Variants in LRBA observed in about 807,000 individuals in gnomAD.
The protein encoded by LRBA is LPS responsive beige-like anchor protein, also known as lipopolysaccharide-responsive and beige-like anchor protein.
In LRBA, 176 loss-of-function variants were observed where a neutral mutation model predicts 330.0. That is an observed-to-expected ratio of 0.53 (90% CI 0.47 to 0.60). The LOEUF is 0.60. Among genes scored for constraint, LRBA ranks in the 20% least tolerant of loss-of-function variants. The pLI is 0.00. For synonymous variants in LRBA, 1,230 were observed against 1,193.0 expected (o/e 1.03, Z -0.64); for missense variants, 3,259 against 3,444.8 (o/e 0.95, Z 1.35).
In LRBA at chr4:150,516,215, C is replaced by CTTTTTT. The variant is rs1384014823; in HGVS notation, c.6331-25181_6331-25180insAAAAAA. Among the ~76,000 whole-genome samples, 117 of 86,676 alleles carry CTTTTTT rather than the reference C, an allele frequency of 1.3e-3. 41 individuals carry two copies. The highest frequency in any genetic ancestry group is 1.8e-3 in the Non-Finnish European group (82 of 45,152). 56.9% of individuals were successfully genotyped at this position (86,676 alleles called of 152,430 possible). A position where few individuals can be genotyped will look rare whatever the true frequency, so the allele number is the denominator to read the frequency against. ...GTAATTCAGTCTGACATTTTCTATT[C>CTTTTTT]TCTTTTTTTTTTTTTTTTTTTTTTT... On this transcript the variant is annotated intron_variant, in intron 40 of 56. Transcript: ENST00000651943.
intron 5 of LRBA, among the ~76,000 whole-genome samples, 186 bp downstream of exon 5, chr4:150,921,012 C>T (rs1056741676): frequency 6.6e-6 from 1 of 152,186 alleles, no homozygotes; most frequent in African/African-American, 2.4e-5. Context: ...CTAATTTAAG[C>T]CTCTATTTCT....
At chr4:150,511,307 C>G (rs1761805805) in intron 40 of LRBA, among the ~76,000 whole-genome samples, 1 of 152,214 alleles carries the variant, frequency 6.6e-6, no homozygotes, top group African/African-American at 2.4e-5. Flanking sequence ...CTACATCTCA[C>G]TCCTTTTGAC....
At chr4:150,396,480 T>TCACTCACACACACA (rs1554016742) in intron 47 of LRBA, among the ~76,000 whole-genome samples, 1 of 145,774 alleles carries the variant, frequency 6.9e-6, no homozygotes, top group Non-Finnish European at 1.5e-5. Flanking sequence ...AAATCTCATC[T>TCACTCACACACACA]CACACACACA....
intron 36 of LRBA, among the ~76,000 whole-genome samples, chr4:150,716,076 G>A (rs770066370): frequency 1.3e-5 from 2 of 151,998 alleles, no homozygotes; most frequent in Non-Finnish European, 2.9e-5. Context: ...TTAAGAAGTG[G>A]AACCAGTTTC....
At chr4:150,792,609 A>G (rs1740121224) in intron 34 of LRBA, among the ~76,000 whole-genome samples, 1 of 152,130 alleles carries the variant, frequency 6.6e-6, no homozygotes, top group African/African-American at 2.4e-5. Context: ...TTTGGGCTCA[A>G]GCGATCCTGC....
chr4:150,578,735 G>A (rs1770849751), intron 40 of LRBA, among the ~76,000 whole-genome samples: 1 of 152,164 alleles, frequency 6.6e-6, no homozygotes, highest in Admixed American at 6.5e-5. Context: ...CATTCTTTAT[G>A]TTCCTAATGT....
intron 44 of LRBA, among the ~76,000 whole-genome samples, chr4:150,456,692 T>G (rs1754119386): frequency 1.3e-5 from 2 of 152,174 alleles, no homozygotes; most frequent in African/African-American, 2.4e-5. Flanking sequence ...TGGTCCCATT[T>G]GCCCGTTTTT....
chr4:150,508,139 A>T (rs1317707791), intron 40 of LRBA, among the ~76,000 whole-genome samples: 2 of 147,344 alleles, frequency 1.4e-5, no homozygotes, highest in South Asian at 2.2e-4. Context: ...TGACGAGTTA[A>T]TGGGTACAGC....
intron 47 of LRBA, among the ~76,000 whole-genome samples, chr4:150,373,170 T>TGAGAGAGA (rs1222034309): frequency 5.4e-5 from 6 of 111,554 alleles, no homozygotes; most frequent in Non-Finnish European, 7.4e-5. Flanking sequence ...TGTGTGTGTG[T>TGAGAGAGA]GTGAGAGAGA....
At chr4:150,484,941 A>G (rs775495574) in intron 42 of LRBA, among the ~76,000 whole-genome samples, 5 of 151,922 alleles carry the variant, frequency 3.3e-5, no homozygotes, top group Non-Finnish European at 5.9e-5. Flanking sequence ...CCAAATCTCA[A>G]GAGATTTTCC....
At chr4:150,371,181 AATTTTTT>A (rs1363793848) in intron 47 of LRBA, among the ~76,000 whole-genome samples, 20 of 136,816 alleles carry the variant, frequency 1.5e-4, no homozygotes, top group African/African-American at 6.1e-4. Flanking sequence ...CAAGCTACTA[AATTTTTT>A]TTTTTTTTTT....
intron 39 of LRBA, among the ~76,000 whole-genome samples, chr4:150,590,276 T>C (rs376770728): frequency 6.6e-6 from 1 of 151,860 alleles, no homozygotes; most frequent in African/African-American, 2.4e-5. Flanking sequence ...CGGAATTGAT[T>C]TGAGAGAGTT....
chr4:150,683,725 A>T lies in LRBA; in HGVS notation c.5755-8T>A. ...ATACTGGGCACACAGTGACTTGGAG[A>T]GAAAAAAAAATAATACTATAAAAAA... is the stretch of plus-strand genomic sequence containing the variant. On this transcript the variant is annotated splice_region_variant and splice_polypyrimidine_tract_variant and intron_variant, in intron 36 of 56. Coordinates refer to ENST00000651943, the MANE Select transcript of LRBA (RefSeq NM_001364905.1). 1.3e-6 allele frequency: 2 copies of T among 1,567,352 alleles called. No individual in the cohort carries two copies.
chr4:150,469,114 C>A (rs909842702), intron 43 of LRBA, among the ~76,000 whole-genome samples: 1 of 151,980 alleles, frequency 6.6e-6, no homozygotes, highest in East Asian at 1.9e-4. Context: ...GTCCCATCTA[C>A]TTAAATAATC....
intron 46 of LRBA, among the ~76,000 whole-genome samples, 194 bp from the exon 47 acceptor site, chr4:150,415,784 A>G (rs1489727044): frequency 6.6e-6 from 1 of 152,204 alleles, no homozygotes; most frequent in Non-Finnish European, 1.5e-5. Flanking sequence ...AACTTAAATA[A>G]GATCTTACTG....
intron 37 of LRBA, among the ~76,000 whole-genome samples, chr4:150,603,407 T>C (rs1464409511): frequency 6.6e-6 from 1 of 152,222 alleles, no homozygotes; most frequent in Non-Finnish European, 1.5e-5. Flanking sequence ...ACTTTCACGT[T>C]ATGTGTTTGT....
intron 30 of LRBA, 103 bp from the exon 31 acceptor site, chr4:150,817,360 T>A (rs1744756726): frequency 9.6e-7 from 1 of 1,043,448 alleles, no homozygotes; most frequent in Non-Finnish European, 1.4e-6. Context: ...ATTTTTCTAA[T>A]TTTCTTTCTT....
intron 47 of LRBA, among the ~76,000 whole-genome samples, chr4:150,401,149 G>A (rs1381746297): frequency 4.6e-5 from 7 of 152,202 alleles, no homozygotes; most frequent in African/African-American, 9.6e-5. Flanking sequence ...TGCAATTGAA[G>A]GACCTATCAG....
intron 50 of LRBA, among the ~76,000 whole-genome samples, chr4:150,317,541 T>C (rs1346591413): frequency 6.6e-6 from 1 of 152,150 alleles, no homozygotes; most frequent in African/African-American, 2.4e-5. Flanking sequence ...TTACTGTCTC[T>C]GCTGGCAAAG....
Sources: gnomAD v4.1 joint callset for allele counts (sites outside exome capture counted in the v4.1 genomes callset) on GRCh38, gnomAD v4.1.1 for gene constraint, MANE v1.5 for transcripts, NCBI Gene and HGNC (gene_info 2026-07-23, HGNC 2026-07-21) for gene names.